EHBP1L1: variants seen among roughly 807,000 people sequenced by gnomAD.
EHBP1L1 encodes the protein EH domain binding protein 1 like 1, also known as EH domain-binding protein 1-like protein 1.
EHBP1L1 carries 122 observed loss-of-function variants against 151.1 expected under a neutral mutation model. The ratio of observed to expected loss-of-function variants is 0.81; its 90% confidence interval spans 0.70 to 0.94. The LOEUF (loss-of-function observed/expected upper bound fraction) is 0.94, where lower values mean the gene tolerates loss of function less well. Among genes scored for constraint, EHBP1L1 ranks in the 40% least tolerant of loss-of-function variants. EHBP1L1 has a pLI of 0.00. For synonymous variants in EHBP1L1, 878 were observed against 810.1 expected, an observed-to-expected ratio of 1.08 and a Z score of -1.42; for missense variants, 1,941 against 1,959.8, an observed-to-expected ratio of 0.99 and a Z score of 0.18.
In EHBP1L1 at chr11:65,583,537, G is replaced by C; in HGVS notation, c.2865G>C (p.Gln955His). ...SEGKSGAWGA[Q>H]EAEMKVLESP... ...GCAAATCTGGGGCTTGGGGGGCCCA[G>C]GAAGCAGAGATGAAGGTTTTAGAGT... The change falls in exon 9 of 19, where the codon CAG becomes CAC. Residue 955 changes from glutamine (Q) to histidine (H), a missense_variant. Coordinates refer to ENST00000309295, the MANE Select transcript of EHBP1L1 (RefSeq NM_001099409.3). The C allele has an allele frequency of 6.2e-7, 1 of 1,613,324 alleles. No individual in the cohort carries two copies.
chr11:65,583,537 G>A lies in EHBP1L1; in HGVS notation c.2865G>A (p.Gln955=), dbSNP rs1478935846. 2.5e-6 allele frequency: 4 copies of A among 1,613,324 alleles called. No homozygotes were observed. In the East Asian group the frequency reaches 8.9e-5, roughly 36 times the overall value. The change falls in exon 9 of 19, where the codon CAG becomes CAA. Residue 955 remains glutamine, a synonymous_variant. Transcript: ENST00000309295. ...GCAAATCTGGGGCTTGGGGGGCCCA[G>A]GAAGCAGAGATGAAGGTTTTAGAGT... The part of the protein sequence containing the change: ...SEGKSGAWGA[Q]EAEMKVLESP...
chr11:65,585,310 T>C lies in EHBP1L1; in HGVS notation c.3652T>C (p.Ser1218Pro). 1 of 1,031,510 alleles carries C rather than the reference T, an allele frequency of 9.7e-7. No homozygotes were observed. Among genetic ancestry groups the C allele is most frequent in the Non-Finnish European group, 1.2e-6 (1 of 861,312 alleles). 63.9% of individuals were successfully genotyped at this position (1,031,510 alleles called of 1,614,324 possible). A position where few individuals can be genotyped will look rare whatever the true frequency, so the allele number is the denominator to read the frequency against. Reference sequence around the variant, plus strand: ...CAGGAACGCGGTCGCGGGCCGCGCCTCCAAGGACGGCGGGGCCGAGGCCCC... The same window carrying C: ...CAGGAACGCGGTCGCGGGCCGCGCCCCCAAGGACGGCGGGGCCGAGGCCCC... ...ASRNAVAGRA[S>P]KDGGAEAPRE... The change falls in exon 12 of 19, where the codon TCC becomes CCC. Residue 1218 changes from serine (S) to proline (P), a missense_variant. Transcript: ENST00000309295. The surrounding 1 kb of genome is among the most constrained non-coding windows in gnomAD (Gnocchi z 4.0).
In EHBP1L1 at chr11:65,585,119, G is replaced by C; in HGVS notation, c.3461G>C (p.Gly1154Ala). 6.6e-7 allele frequency: 1 copy of C among 1,504,760 alleles called. No individual in the cohort carries two copies. Among genetic ancestry groups the C allele is most frequent in the Non-Finnish European group, 8.8e-7 (1 of 1,134,276 alleles). The allele number at this position is 1,504,760 out of a possible 1,614,324, so 93.2% of individuals were successfully genotyped here. A position where few individuals can be genotyped will look rare whatever the true frequency, so the allele number is the denominator to read the frequency against. ...QELQLVQLEG[G>A]GGAGTYRVGS... ...CTGCAGCTGGTACAACTGGAGGGCG[G>C]CGGCGGCGCCGGCACGTACCGCGTG... Residue 1154 changes from glycine (G) to alanine (A), a missense_variant, in exon 12 of 19, where the codon GGC (glycine) becomes GCC (alanine). Gly to Ala is a moderately conservative substitution (Grantham distance 60, BLOSUM62 0). Coordinates refer to ENST00000309295, the MANE Select transcript of EHBP1L1 (RefSeq NM_001099409.3). The surrounding 1 kb of genome is among the most constrained non-coding windows in gnomAD (Gnocchi z 4.0).
chr11:65,583,955 C>T (rs1857788515), intron 9 of EHBP1L1, 190 bp downstream of exon 9: 25 of 1,412,132 alleles, frequency 1.8e-5, no homozygotes, highest in Admixed American at 3.0e-5. Flanking sequence ...TTCCCTGGGC[C>T]GCATGGAGCT....
Position 65,592,269 on chromosome 11 carries a change from G to T in EHBP1L1, c.4539G>T (p.Gln1513His), listed in dbSNP as rs530373333. The T allele has an allele frequency of 9.8e-6, 15 of 1,531,640 alleles. No individual in the cohort carries two copies. Among genetic ancestry groups the T allele is most frequent in the Non-Finnish European group, 1.2e-5 (14 of 1,145,386 alleles). 94.9% of individuals were successfully genotyped at this position (1,531,640 alleles called of 1,614,324 possible). A position where few individuals can be genotyped will look rare whatever the true frequency, so the allele number is the denominator to read the frequency against. The change falls in exon 19 of 19, where the codon CAG becomes CAT. Residue 1513 changes from glutamine to histidine, a missense_variant. Physicochemically the swap from Gln to His is conservative, Grantham distance 24 (BLOSUM62 0). Coordinates refer to ENST00000309295, the MANE Select transcript of EHBP1L1 (RefSeq NM_001099409.3). ...LEQRRRKLSRQLSRRERCVLS is the reference protein window; with the variant it reads ...LEQRRRKLSRHLSRRERCVLS ...AGCGGCGCCGCAAGCTGAGCCGGCA[G>T]TTGAGCCGGCGGGAGCGCTGCGTGC...
chr11:65,579,549 T>C, intron 3 of EHBP1L1, 113 bp downstream of exon 3: 1 of 701,144 alleles, frequency 1.4e-6, no homozygotes, highest in Non-Finnish European at 2.1e-6. Flanking sequence ...ATGCGGGGGG[T>C]GAGGCCAAGA....
chr11:65,587,304 C>T (rs940410828), intron 12 of EHBP1L1, among the ~76,000 whole-genome samples: 4 of 150,828 alleles, frequency 2.7e-5, no homozygotes, highest in Admixed American at 6.6e-5. Flanking sequence ...ACCCCGGAGG[C>T]GGAGGTCTCA....
chr11:65,580,836 C>T, intron 6 of EHBP1L1: 2 of 1,208,516 alleles, frequency 1.7e-6, no homozygotes, highest in South Asian at 1.8e-5. Context: ...TTCCTCATTC[C>T]TCCCTGCTGC....
At chr11:65,584,072 C>A (rs2135282746) in intron 9 of EHBP1L1, 169 bp from the exon 10 acceptor site, 2 of 1,449,940 alleles carry the variant, frequency 1.4e-6, no homozygotes, top group Non-Finnish European at 1.8e-6. Context: ...GGCAGATAAC[C>A]CTGGATCTAG....
Position 65,583,637 on chromosome 11 carries a change from G to C in EHBP1L1, c.2965G>C (p.Glu989Gln), listed in dbSNP as rs1451001860. 2 of 1,601,120 alleles carry C rather than the reference G, an allele frequency of 1.2e-6. No individual in the cohort carries two copies. The highest frequency in any genetic ancestry group is 1.7e-4 in the Middle Eastern group (1 of 6,036). The change falls in exon 9 of 19, where the codon GAA becomes CAA. Residue 989 changes from glutamate to glutamine, a missense_variant. Transcript: ENST00000309295. ...GGTCTTGGGAAATGAGAAGGGGAAAGAAGCTGAGGGAAGCCTCACAGAGGC... is the reference window on the plus strand; with the variant it reads ...GGTCTTGGGAAATGAGAAGGGGAAACAAGCTGAGGGAAGCCTCACAGAGGC... ...AGVLGNEKGK[E>Q]AEGSLTEASL...
rs745550580 is a variant in EHBP1L1 at position 65,592,094 on chromosome 11, A to C, written c.4472+4A>C. 2 of 1,612,754 alleles carry C rather than the reference A, an allele frequency of 1.2e-6. No individual in the cohort carries two copies. Among genetic ancestry groups the C allele is most frequent in the Admixed American group, 3.3e-5 (2 of 60,012 alleles). ...ACCTGGACCACAAGGAGCGGATGTG[A>C]GTGGCGCTGGGCGGCGCTGGGAGTT... On this transcript the variant is annotated splice_donor_region_variant and intron_variant, in intron 18 of 18. Transcript: ENST00000309295.
chr11:65,577,592 G>A lies in EHBP1L1; in HGVS notation c.104+1186G>A, dbSNP rs1151516. 6.2e-3 allele frequency among the ~76,000 whole-genome samples: 940 copies of A among 152,226 alleles called. 7 individuals carry two copies. Among genetic ancestry groups the A allele is most frequent in the African/African-American group, 0.021 (869 of 41,552 alleles). ...GCTGCTTAGCCTGGAGCCCAGGCCG[G>A]GAAGCTGCCCCTGCCCAGGTTGCAG... On this transcript the variant is annotated intron_variant, in intron 1 of 18. Coordinates refer to ENST00000309295, the MANE Select transcript of EHBP1L1 (RefSeq NM_001099409.3).
At chr11:65,584,814 G>C in intron 11 of EHBP1L1, 145 bp from the exon 12 acceptor site, 2 of 1,185,932 alleles carry the variant, frequency 1.7e-6, no homozygotes, top group African/African-American at 3.1e-5. Context: ...CTTGTTGCTG[G>C]ATTTCCCTCG....
At chr11:65,590,260 G>C (rs780134350) in intron 15 of EHBP1L1, 50 bp downstream of exon 15, 1 of 1,602,896 alleles carries the variant, frequency 6.2e-7, no homozygotes, top group Non-Finnish European at 8.5e-7. Flanking sequence ...CACTAGGTCT[G>C]TCCAGCCCTG....
chr11:65,584,038 G>A (rs1454023158), intron 9 of EHBP1L1: 4 of 1,412,548 alleles, frequency 2.8e-6, no homozygotes, highest in Non-Finnish European at 2.7e-6. Flanking sequence ...TTGTCTGGGG[G>A]CCACTGACCT....
intron 12 of EHBP1L1, among the ~76,000 whole-genome samples, chr11:65,587,312 T>C (rs1452709674): frequency 6.6e-6 from 1 of 150,628 alleles, no homozygotes; most frequent in Non-Finnish European, 1.5e-5. Flanking sequence ...GGCGGAGGTC[T>C]CAGTGAGCCG....
chr11:65,580,833 T>TTCC (rs1157931924), intron 6 of EHBP1L1: 1 of 1,182,452 alleles, frequency 8.5e-7, no homozygotes, highest in East Asian at 2.8e-5. Flanking sequence ...GGCTTCCTCA[T>TTCC]TCCTCCCTGC....
In EHBP1L1 at chr11:65,580,123, G is replaced by T; in HGVS notation, c.355G>T (p.Asp119Tyr). Residue 119 changes from aspartate to tyrosine, a missense_variant, in exon 5 of 19, where the codon GAC (aspartate) becomes TAC (tyrosine). Asp to Tyr is a radical substitution (Grantham distance 160, BLOSUM62 -3). Coordinates refer to ENST00000309295, the MANE Select transcript of EHBP1L1 (RefSeq NM_001099409.3). The stretch of plus-strand genomic sequence containing the variant: ...GAAGGTGCTGGCCACGGCCGAGGTG[G>T]ACCTGGCCCGCCATGCAGGGCCCGT... ...QRKVLATAEV[D>Y]LARHAGPVPV... The T allele has an allele frequency of 6.2e-7, 1 of 1,613,440 alleles. No homozygotes were observed. The highest frequency in any genetic ancestry group is 8.5e-7 in the Non-Finnish European group (1 of 1,179,762).
Position 65,582,931 on chromosome 11 carries a change from G to A in EHBP1L1, c.2259G>A (p.Glu753=), listed in dbSNP as rs772205442. The A allele has an allele frequency of 6.2e-7, 1 of 1,613,154 alleles. No individual in the cohort carries two copies. The highest frequency in any genetic ancestry group is 2.2e-5 in the East Asian group (1 of 44,892). The change falls in exon 9 of 19, where the codon GAG becomes GAA. Residue 753 remains glutamate, a synonymous_variant. Transcript: ENST00000309295. ...AGTCTGACATATTGGTAGCCCAGGA[G>A]ATAGAGGTGGGACTTTTGGGGGTTC... ...IAESDILVAQ[E]IEVGLLGVLG... is the part of the protein sequence containing the mutation.
Sources: allele counts gnomAD v4.1 joint callset (sites outside exome capture counted in the v4.1 genomes callset), GRCh38; gene constraint gnomAD v4.1.1; non-coding constraint Gnocchi (gnomAD v3.1); transcripts MANE v1.5; gene names NCBI Gene and HGNC (gene_info 2026-07-23, HGNC 2026-07-21).